The following L3MBTL4 variants were observed in gnomAD, a reference collection of about 807,000 sequenced individuals.
L3MBTL4 encodes lethal(3)malignant brain tumor-like protein 4.
Under a neutral mutation model 84.5 loss-of-function variants are expected in L3MBTL4, and 70 were observed. The ratio of observed to expected loss-of-function variants is 0.83; its 90% CI spans 0.68 to 1.01. L3MBTL4 has a LOEUF of 1.01. L3MBTL4 is among the 50% of genes least tolerant of loss of function. The probability of loss-of-function intolerance (pLI) is 0.00; values close to 1 mark genes in which losing one functional copy is unlikely to be tolerated. For missense variants in L3MBTL4, 715 were observed against 754.8 expected (o/e 0.95, Z 0.62); for synonymous variants, 274 against 259.8 (o/e 1.05, Z -0.52).
intron 13 of L3MBTL4, among the ~76,000 whole-genome samples, chr18:6,153,101 T>C (rs774521844): frequency 1.3e-5 from 2 of 152,236 alleles, no homozygotes; most frequent in Non-Finnish European, 2.9e-5. Context: ...TCTCTTTTTA[T>C]GCTACTAACA....
intron 13 of L3MBTL4, among the ~76,000 whole-genome samples, chr18:6,140,060 A>G (rs909663138): frequency 1.3e-5 from 2 of 152,028 alleles, no homozygotes; most frequent in African/African-American, 4.8e-5. Context: ...GGGCCACACA[A>G]ACAAAACCCT....
At chr18:6,046,731 A>C (rs1213192895) in intron 16 of L3MBTL4, 1 of 775,402 alleles carries the variant, frequency 1.3e-6, no homozygotes, top group Non-Finnish European at 2.4e-6. Flanking sequence ...AACTTACCCA[A>C]ACCTCTGGGA....
Position 6,215,742 on chromosome 18 carries a change from G to A in L3MBTL4, c.870+8C>T, listed in dbSNP as rs1371682994. On this transcript the variant is annotated splice_region_variant and intron_variant, in intron 11 of 18. Transcript: ENST00000317931. ...AAAGGTGAGAGTTTGTACCCACATA[G>A]AACTTACCATTTTAAAAACTTTGGC... 1 of 1,571,228 alleles carries A rather than the reference G, an allele frequency of 6.4e-7. No homozygotes were observed. Among genetic ancestry groups the A allele is most frequent in the South Asian group, 1.2e-5 (1 of 86,778 alleles).
At chr18:6,357,749 G>A (rs576519475) in intron 1 of L3MBTL4, among the ~76,000 whole-genome samples, 3 of 152,256 alleles carry the variant, frequency 2.0e-5, no homozygotes, top group East Asian at 1.9e-4. Flanking sequence ...GGATTTTCTG[G>A]TCACTTCATG....
intron 12 of L3MBTL4, among the ~76,000 whole-genome samples, chr18:6,193,556 C>G (rs182440957): frequency 1.3e-5 from 2 of 152,352 alleles, no homozygotes; most frequent in African/African-American, 4.8e-5. Context: ...GGTCCAGAGG[C>G]ACAAGGCAAA....
chr18:6,321,897 G>A (rs186436868), intron 1 of L3MBTL4, among the ~76,000 whole-genome samples: 39 of 152,094 alleles, frequency 2.6e-4, no homozygotes, highest in East Asian at 9.7e-4. Context: ...GACTCAGAAC[G>A]GGGAGGCTAG....
At chr18:6,287,300 A>C (rs114813390) in intron 4 of L3MBTL4, among the ~76,000 whole-genome samples, 153 of 152,294 alleles carry the variant, frequency 1.0e-3, no homozygotes, top group African/African-American at 3.6e-3. Flanking sequence ...ACTCCAAATA[A>C]GACTCACACC....
chr18:6,209,513 T>G (rs1599158067), intron 12 of L3MBTL4, among the ~76,000 whole-genome samples: 1 of 150,106 alleles, frequency 6.7e-6, no homozygotes, highest in Admixed American at 6.6e-5. Flanking sequence ...AGTGAAGATG[T>G]GGAGAAATTG....
At chr18:6,351,891 G>T (rs1310383785) in intron 1 of L3MBTL4, among the ~76,000 whole-genome samples, 2 of 151,874 alleles carry the variant, frequency 1.3e-5, no homozygotes, top group Non-Finnish European at 2.9e-5. Context: ...TCAATATGTT[G>T]CCCATGCTGG....
In L3MBTL4 at chr18:6,241,451, T is replaced by TA. The variant is rs2047447472; in HGVS notation, c.461-3dup. The TA allele has an allele frequency of 3.3e-6, 5 of 1,524,492 alleles. No individual in the cohort carries two copies. Among genetic ancestry groups the TA allele is most frequent in the South Asian group, 1.2e-5 (1 of 85,364 alleles). The allele number at this position is 1,524,492 out of a possible 1,614,324, so 94.4% of individuals were successfully genotyped here. A position where few individuals can be genotyped will look rare whatever the true frequency, so the allele number is the denominator to read the frequency against. On this transcript the variant is annotated splice_polypyrimidine_tract_variant and splice_region_variant and intron_variant, in intron 7 of 18. Transcript: ENST00000317931. ...AAACAAATTTATCTTTTCTATAACC[T>TA]AAAAAAAGCACAGATTACTCAAAAT...
chr18:6,166,187 T>C (rs200623521), intron 13 of L3MBTL4, among the ~76,000 whole-genome samples: 8 of 152,102 alleles, frequency 5.3e-5, no homozygotes, highest in Admixed American at 3.3e-4. Context: ...AGCAAGTCCT[T>C]AGTGACCTAC....
At position 6,079,252 on chromosome 18, in the gene L3MBTL4, G is replaced by A. The variant is rs140205585; in HGVS notation, c.1444+1629C>T. ...TAACCACAGCCTGCCAATTTTCATG[G>A]GATGGAATGAACCCCACCTGCACTT... is the stretch of plus-strand genomic sequence containing the variant. On this transcript the variant is annotated intron_variant, in intron 16 of 18. Transcript: ENST00000317931. Among the ~76,000 whole-genome samples, 1,275 of 152,222 alleles carry A rather than the reference G, an allele frequency of 8.4e-3. 8 individuals carry two copies. The highest frequency in any genetic ancestry group is 0.061 in the Middle Eastern group (18 of 294).
chr18:6,111,203 G>A (rs2059185457), intron 14 of L3MBTL4, among the ~76,000 whole-genome samples: 1 of 152,254 alleles, frequency 6.6e-6, no homozygotes, highest in African/African-American at 2.4e-5. Flanking sequence ...ATGAAAGGAA[G>A]ATGCAAATGG....
intron 13 of L3MBTL4, among the ~76,000 whole-genome samples, chr18:6,150,289 G>A (rs2042836427): frequency 1.3e-5 from 2 of 152,052 alleles, no homozygotes; most frequent in Non-Finnish European, 2.9e-5. Flanking sequence ...AACCTGAAAA[G>A]TACATCTAAA....
chr18:6,144,996 A>C (rs1444160715), intron 13 of L3MBTL4, among the ~76,000 whole-genome samples: 1 of 152,224 alleles, frequency 6.6e-6, no homozygotes, highest in Non-Finnish European at 1.5e-5. Context: ...CTCTTTGATT[A>C]AACTCTATGG....
chr18:6,051,697 T>C (rs528756377), intron 16 of L3MBTL4, among the ~76,000 whole-genome samples: 1 of 152,286 alleles, frequency 6.6e-6, no homozygotes, highest in Admixed American at 6.5e-5. Context: ...TGGCCCTGGG[T>C]GGAGCCACCA....
At chr18:6,365,416 G>A (rs1301450867) in intron 1 of L3MBTL4, among the ~76,000 whole-genome samples, 1 of 152,156 alleles carries the variant, frequency 6.6e-6, no homozygotes, top group Non-Finnish European at 1.5e-5. Flanking sequence ...AACCATAATT[G>A]CACATGATAA....
Position 5,961,537 on chromosome 18 carries a change from GA to G in L3MBTL4, c.1615-1382del, listed in dbSNP as rs2095263337. Among the ~76,000 whole-genome samples the G allele has an allele frequency of 2.6e-5, 4 of 152,306 alleles. No homozygotes were observed. The South Asian group carries it at 8.3e-4, about 32-fold the overall frequency. Reference sequence around the variant, plus strand: ...ACCCTGGTGCTACAAATACATTCATGAGTCATTTTACAATCTTCACCTAAAG... The same window carrying G: ...ACCCTGGTGCTACAAATACATTCATGGTCATTTTACAATCTTCACCTAAAG... On this transcript the variant is annotated intron_variant, in intron 17 of 18. Transcript: ENST00000317931.
chr18:6,154,270 T>G (rs923666150), intron 13 of L3MBTL4, among the ~76,000 whole-genome samples: 6 of 152,228 alleles, frequency 3.9e-5, no homozygotes, highest in African/African-American at 1.4e-4. Flanking sequence ...AATTTTTATA[T>G]GTTTATGTAC....
Sources: allele counts gnomAD v4.1 joint callset (sites outside exome capture counted in the v4.1 genomes callset), GRCh38; gene constraint gnomAD v4.1.1; transcripts MANE v1.5; gene names NCBI Gene and HGNC (gene_info 2026-07-23, HGNC 2026-07-21).